PSIP1: variants seen among roughly 807,000 people sequenced by gnomAD.
The protein encoded by PSIP1 is PC4 and SFRS1-interacting protein.
Under a neutral mutation model 74.7 loss-of-function variants are expected in PSIP1, and 19 were observed. The ratio of observed to expected loss-of-function variants is 0.25; its 90% CI spans 0.18 to 0.37. PSIP1 has a LOEUF of 0.37. PSIP1 is among the 10% of genes least tolerant of loss of function. The probability of loss-of-function intolerance (pLI) is 1.00; values close to 1 mark genes in which losing one functional copy is unlikely to be tolerated. For missense variants in PSIP1, 601 were observed against 614.3 expected, an observed-to-expected ratio of 0.98 and a Z score of 0.23; for synonymous variants, 222 against 195.3, an observed-to-expected ratio of 1.14 and a Z score of -1.14.
chr9:15,500,391 G>A (rs2037284039), intron 3 of PSIP1, among the ~76,000 whole-genome samples: 1 of 152,124 alleles, frequency 6.6e-6, no homozygotes, highest in Non-Finnish European at 1.5e-5. Context: ...CATGAACCCA[G>A]GAGGCAGACC....
In PSIP1 at chr9:15,510,883, C is replaced by G. The variant is rs2037840592; in HGVS notation, c.-208G>C. ...TCGCCTCTACCCGCGTCCACGCAAG[C>G]CACCTGCGCCACCAGCTGCCGCAGA... On this transcript the variant is annotated 5_prime_UTR_variant, in exon 1 of 16. Coordinates refer to ENST00000380733, the MANE Select transcript of PSIP1 (RefSeq NM_033222.5). The G allele has an allele frequency of 2.0e-5, 3 of 152,330 alleles. No homozygotes were observed. Among genetic ancestry groups the G allele is most frequent in the African/African-American group, 7.2e-5 (3 of 41,440 alleles). The allele number at this position is 152,330 out of a possible 1,614,324, so 9.4% of individuals were successfully genotyped here. A position where few individuals can be genotyped will look rare whatever the true frequency, so the allele number is the denominator to read the frequency against.
Position 15,478,572 on chromosome 9 carries a change from A to T in PSIP1, c.554-20T>A. On this transcript the variant is annotated intron_variant, in intron 7 of 15. Transcript: ENST00000380733. ...CTGTAGCTAATATACACATGGAAAA[A>T]AAATCAGTAACTACTAGTTTCTATT... 4 of 1,494,244 alleles carry T rather than the reference A, an allele frequency of 2.7e-6. No individual in the cohort carries two copies. Among genetic ancestry groups the T allele is most frequent in the Non-Finnish European group, 3.7e-6 (4 of 1,072,036 alleles). 92.6% of individuals were successfully genotyped at this position (1,494,244 alleles called of 1,614,324 possible). A position where few individuals can be genotyped will look rare whatever the true frequency, so the allele number is the denominator to read the frequency against.
At chr9:15,469,084 A>T (rs2035738273) in intron 12 of PSIP1, 26 bp from the exon 13 acceptor site, 1 of 1,579,072 alleles carries the variant, frequency 6.3e-7, no homozygotes, top group Non-Finnish European at 8.7e-7. Context: ...GTAATTTCAT[A>T]GCTGTTAATT....
intron 6 of PSIP1, among the ~76,000 whole-genome samples, chr9:15,481,347 T>A (rs2036326845): frequency 6.6e-6 from 1 of 152,210 alleles, no homozygotes; most frequent in South Asian, 2.1e-4. Context: ...CAAAGAAGAC[T>A]CTCTCCACTT....
At chr9:15,497,030 A>G (rs2037106216) in intron 3 of PSIP1, among the ~76,000 whole-genome samples, 1 of 152,192 alleles carries the variant, frequency 6.6e-6, no homozygotes, top group African/African-American at 2.4e-5. Context: ...CAAAACGTTA[A>G]ACGTGAAATT....
At chr9:15,502,996 G>A (rs1246608994) in intron 3 of PSIP1, among the ~76,000 whole-genome samples, 2 of 152,148 alleles carry the variant, frequency 1.3e-5, no homozygotes, top group Non-Finnish European at 2.9e-5. Context: ...AACCAGTTAC[G>A]AATTAGTACA....
intron 8 of PSIP1, among the ~76,000 whole-genome samples, chr9:15,474,521 G>C (rs533634444): frequency 6.6e-6 from 1 of 152,298 alleles, no homozygotes; most frequent in African/African-American, 2.4e-5. Context: ...TGGAATTGCG[G>C]AAGTGAAATC....
chr9:15,466,726 C>G, intron 15 of PSIP1, 22 bp downstream of exon 15: 2 of 1,553,668 alleles, frequency 1.3e-6, no homozygotes, highest in East Asian at 4.5e-5. Context: ...ACACACAAGA[C>G]CCATTAAAAC....
Position 15,479,629 on chromosome 9 carries a change from A to G in PSIP1, c.515T>C (p.Val172Ala). The change falls in exon 7 of 16, where the codon GTT becomes GCT. Residue 172 changes from valine to alanine, a missense_variant. Physicochemically the swap from Val to Ala is moderately conservative, Grantham distance 64. Around this residue, in one of 2 missense-constraint regions of PSIP1, gnomAD observed 538 missense variants for 507.6 expected, o/e 1.06. Transcript: ENST00000380733. ...AGVVTTATAS[V>A]NLKVSPKRGR... ...TCTTTTAGGACTCACTTTTAGATTA[A>G]CAGATGCTGTTGCTGTTGTCACTAC... The G allele has an allele frequency of 6.2e-7, 1 of 1,610,324 alleles. No individual in the cohort carries two copies. Among genetic ancestry groups the G allele is most frequent in the Non-Finnish European group, 8.5e-7 (1 of 1,178,498 alleles).
Position 15,474,225 on chromosome 9 carries a change from C to T in PSIP1, c.642G>A (p.Glu214=). The stretch of plus-strand genomic sequence containing the variant: ...CTTGCCCCTTTTTCTTACTTTTGTC[C>T]TCTTCAGTAATGCTATTTTAGAGAA... ...CPSESDIITE[E]DKSKKKGQEE... The change falls in exon 9 of 16, where the codon GAG becomes GAA. Residue 214 remains glutamate, a synonymous_variant. Transcript: ENST00000380733. The T allele has an allele frequency of 2.5e-6, 4 of 1,609,762 alleles. No individual in the cohort carries two copies. Among genetic ancestry groups the T allele is most frequent in the Non-Finnish European group, 3.4e-6 (4 of 1,178,648 alleles).
intron 14 of PSIP1, among the ~76,000 whole-genome samples, chr9:15,467,734 G>C (rs539296955): frequency 6.6e-5 from 10 of 152,274 alleles, no homozygotes; most frequent in African/African-American, 2.2e-4. Context: ...TTAGTAATAA[G>C]TACTAGCAGG....
At chr9:15,470,233 C>G (rs1363628387) in intron 10 of PSIP1, among the ~76,000 whole-genome samples, 1 of 152,080 alleles carries the variant, frequency 6.6e-6, no homozygotes. Context: ...TAGTGTGTTG[C>G]TAGAAGAGCA....
intron 13 of PSIP1, 45 bp from the exon 14 acceptor site, chr9:15,468,888 T>C (rs779924969): frequency 3.1e-6 from 5 of 1,604,244 alleles, no homozygotes; most frequent in Non-Finnish European, 4.3e-6. Flanking sequence ...TCCTAATTGA[T>C]TTTTTAAACA....
intron 6 of PSIP1, among the ~76,000 whole-genome samples, chr9:15,485,074 G>A (rs2036502413): frequency 6.6e-6 from 1 of 152,110 alleles, no homozygotes; most frequent in South Asian, 2.1e-4. Context: ...GTGACAGCAT[G>A]AGACCCCATC....
chr9:15,498,934 G>A (rs965014618), intron 3 of PSIP1, among the ~76,000 whole-genome samples: 1 of 151,942 alleles, frequency 6.6e-6, no homozygotes, highest in African/African-American at 2.4e-5. Context: ...CAGGTTTAGG[G>A]GTTATTTCTA....
chr9:15,487,803 TCA>T (rs2036619088), intron 4 of PSIP1, among the ~76,000 whole-genome samples: 1 of 152,174 alleles, frequency 6.6e-6, no homozygotes, highest in African/African-American at 2.4e-5. Context: ...AAACCTTTGT[TCA>T]CAGAGGCAAC....
At chr9:15,475,244 T>C (rs2036027432) in intron 8 of PSIP1, among the ~76,000 whole-genome samples, 1 of 152,174 alleles carries the variant, frequency 6.6e-6, no homozygotes, top group Admixed American at 6.5e-5. Flanking sequence ...AACTTTAGCC[T>C]CTCTGGGATT....
chr9:15,504,945 T>A (rs1224378382), intron 3 of PSIP1: 1 of 149,130 alleles, frequency 6.7e-6, no homozygotes, highest in African/African-American at 2.5e-5. Flanking sequence ...AGGTCTAGAA[T>A]AAGGCCTAAG....
chr9:15,473,419 G>GT (rs1442112588), intron 9 of PSIP1, among the ~76,000 whole-genome samples: 1 of 152,118 alleles, frequency 6.6e-6, no homozygotes, highest in Non-Finnish European at 1.5e-5. Context: ...GAAAGGTACT[G>GT]TTTACTTAAT....
Sources: gnomAD v4.1 joint callset for allele counts (sites outside exome capture counted in the v4.1 genomes callset) on GRCh38, gnomAD v4.1.1 for gene constraint, gnomAD v4.1.1 regional missense constraint, MANE v1.5 for transcripts, NCBI Gene and HGNC (gene_info 2026-07-23, HGNC 2026-07-21) for gene names.